DDX25: variants seen among roughly 807,000 people sequenced by gnomAD.
DDX25 encodes ATP-dependent RNA helicase DDX25.
In DDX25, 70 loss-of-function variants were observed where a neutral mutation model predicts 64.6. The ratio of observed to expected loss-of-function variants is 1.08; its 90% confidence interval spans 0.89 to 1.32. The LOEUF is 1.32. DDX25 is among the 40% of genes most tolerant of loss of function. The pLI is 0.00. For missense variants in DDX25, 587 were observed against 604.4 expected (o/e 0.97, Z 0.30); for synonymous variants, 211 against 213.3 (o/e 0.99, Z 0.09).
intron 1 of DDX25, 21 bp downstream of exon 1, chr11:125,904,601 G>A (rs543653685): frequency 1.4e-6 from 2 of 1,452,864 alleles, no homozygotes; most frequent in East Asian, 2.7e-5. Context: ...CCGAGCCGGG[G>A]GGCCACAGCC....
chr11:125,916,722 G>A (rs1176148947), intron 8 of DDX25, among the ~76,000 whole-genome samples: 1 of 152,194 alleles, frequency 6.6e-6, no homozygotes, highest in East Asian at 1.9e-4. Flanking sequence ...TCTTGTGGCT[G>A]CGTGAGTCTG....
chr11:125,906,174 A>T lies in DDX25; in HGVS notation c.276A>T (p.Pro92=). 1 of 1,550,610 alleles carries T rather than the reference A, an allele frequency of 6.4e-7. No individual in the cohort carries two copies. Among genetic ancestry groups the T allele is most frequent in the South Asian group, 1.2e-5 (1 of 83,682 alleles). ...TTTTACAGAAGGATCCCAGCTCTCCACTTTACTCAGTAAAGACATTTGAAG... is the reference window on the plus strand; with the variant it reads ...TTTTACAGAAGGATCCCAGCTCTCCTCTTTACTCAGTAAAGACATTTGAAG... ...VEVLQKDPSS[P]LYSVKTFEEL... Residue 92 remains proline, a synonymous_variant, in exon 4 of 12, where the codon CCA becomes CCT. Coordinates refer to ENST00000263576, the MANE Select transcript of DDX25 (RefSeq NM_013264.5).
rs767376280 is a variant in DDX25, at chr11:125,917,027, G to A, written c.814G>A (p.Glu272Lys). 1.5e-5 allele frequency: 24 copies of A among 1,596,236 alleles called. No homozygotes were observed. Among genetic ancestry groups the A allele is most frequent in the African/African-American group, 2.7e-5 (2 of 74,862 alleles). ...CCTCTATCACAGAGCTCTACCCTCC[G>A]AATGCCAAATGCTCCTCTTTTCAGC... ...SIRIQRALPS[E>K]CQMLLFSATF... The change falls in exon 9 of 12, where the codon GAA becomes AAA. Residue 272 changes from glutamate (E) to lysine (K), a missense_variant. Glu to Lys is a moderately conservative substitution (Grantham distance 56). Coordinates refer to ENST00000263576, the MANE Select transcript of DDX25 (RefSeq NM_013264.5).
At position 125,918,789 on chromosome 11, in the gene DDX25, A is replaced by C; in HGVS notation, c.1200A>C (p.Arg400=). 1 of 1,565,048 alleles carries C rather than the reference A, an allele frequency of 6.4e-7. No individual in the cohort carries two copies. The highest frequency in any genetic ancestry group is 8.7e-7 in the Non-Finnish European group (1 of 1,154,058). The change falls in exon 10 of 12, where the codon CGA becomes CGC. Residue 400 remains arginine (R), a splice_region_variant and synonymous_variant. Coordinates refer to ENST00000263576, the MANE Select transcript of DDX25 (RefSeq NM_013264.5). ...KVLITTNVCA[R]GIDVKQVTIV... is the part of the protein sequence containing the mutation. ...TCATAACAACTAATGTTTGTGCCCGAGGTGTGTGTTAAAAGTCAGGTCTTG... is the reference window on the plus strand; with the variant it reads ...TCATAACAACTAATGTTTGTGCCCGCGGTGTGTGTTAAAAGTCAGGTCTTG...
At chr11:125,922,508 G>A (rs1945128014) in intron 11 of DDX25, 6 of 279,604 alleles carry the variant, frequency 2.1e-5, no homozygotes, top group East Asian at 1.2e-4. Context: ...GGCCACTGTC[G>A]CTATGGTGAG....
intron 2 of DDX25, 27 bp downstream of exon 2, chr11:125,905,305 C>T: frequency 6.5e-7 from 1 of 1,549,498 alleles, no homozygotes. Context: ...CAAAGCAGAG[C>T]GACCTCAATG....
At chr11:125,904,236 GC>G (rs1591512629), upstream of DDX25, 1 of 319,822 alleles carries the variant, frequency 3.1e-6, no homozygotes, top group Admixed American at 5.0e-5. Context: ...TGCGGAAGCT[GC>G]CCCCTCTGCC....
chr11:125,920,743 A>G (rs1945098933), intron 10 of DDX25, among the ~76,000 whole-genome samples: 1 of 152,212 alleles, frequency 6.6e-6, no homozygotes, highest in Admixed American at 6.5e-5. Context: ...CACTGAGGCA[A>G]GGGCTCAAAA....
upstream of DDX25, chr11:125,904,437 C>T: frequency 7.7e-7 from 1 of 1,292,756 alleles, no homozygotes; most frequent in Non-Finnish European, 9.9e-7. Context: ...TAAGGAAGCC[C>T]ATTGGCCAGC....
intron 4 of DDX25, 141 bp downstream of exon 4, chr11:125,906,350 C>CAAATAACA: frequency 9.1e-7 from 1 of 1,103,574 alleles, no homozygotes; most frequent in Non-Finnish European, 1.2e-6. Context: ...GACAGAGTCT[C>CAAATAACA]ACTCTGTCCC....
chr11:125,928,557 A>C lies in DDX25; in HGVS notation c.*5676A>C, dbSNP rs570684582. 2.0e-5 allele frequency: 3 copies of C among 152,372 alleles called. No individual in the cohort carries two copies. Among genetic ancestry groups the C allele is most frequent in the African/African-American group, 7.2e-5 (3 of 41,592 alleles). The allele number at this position is 152,372 out of a possible 1,614,324, so 9.4% of individuals were successfully genotyped here. A position where few individuals can be genotyped will look rare whatever the true frequency, so the allele number is the denominator to read the frequency against. On this transcript the variant is annotated 3_prime_UTR_variant, in exon 12 of 12. Coordinates refer to ENST00000263576, the MANE Select transcript of DDX25 (RefSeq NM_013264.5). ...TTGTTAGAGCTACATTGCATTCAGT[A>C]GACTGGCTATACCAATATATAGTTG...
chr11:125,921,328 A>G lies in DDX25; in HGVS notation c.1339A>G (p.Met447Val). 1 of 1,613,876 alleles carries G rather than the reference A, an allele frequency of 6.2e-7. No homozygotes were observed. Among genetic ancestry groups the G allele is most frequent in the Non-Finnish European group, 8.5e-7 (1 of 1,179,858 alleles). Residue 447 changes from methionine (M) to valine (V), a missense_variant, in exon 11 of 12, where the codon ATG (methionine) becomes GTG (valine). Met to Val is a conservative substitution (Grantham distance 21, BLOSUM62 1). Coordinates refer to ENST00000263576, the MANE Select transcript of DDX25 (RefSeq NM_013264.5). The surrounding 1 kb of genome is among the most constrained non-coding windows in gnomAD (Gnocchi z 4.1). The part of the protein sequence containing the change: ...RFGKKGLAFN[M>V]IEVDELPSLM... Reference sequence around the variant, plus strand: ...TGGGAAAAAAGGCCTTGCCTTCAACATGATTGAAGTAGATGAGCTGCCCTC... The same window carrying G: ...TGGGAAAAAAGGCCTTGCCTTCAACGTGATTGAAGTAGATGAGCTGCCCTC...
At position 125,921,098 on chromosome 11, in the gene DDX25, A is replaced by C; in HGVS notation, c.1202-93A>C. 1 of 1,293,862 alleles carries C rather than the reference A, an allele frequency of 7.7e-7. No individual in the cohort carries two copies. Among genetic ancestry groups the C allele is most frequent in the Admixed American group, 2.8e-5 (1 of 35,666 alleles). The allele number at this position is 1,293,862 out of a possible 1,614,324, so 80.1% of individuals were successfully genotyped here. A position where few individuals can be genotyped will look rare whatever the true frequency, so the allele number is the denominator to read the frequency against. On this transcript the variant is annotated intron_variant, in intron 10 of 11. Coordinates refer to ENST00000263576, the MANE Select transcript of DDX25 (RefSeq NM_013264.5). The surrounding 1 kb of genome is among the most constrained non-coding windows in gnomAD (Gnocchi z 4.1). ...CTGGTTGGATTTCTAAATTTTCTCT[A>C]TAAATAGGAATTCCCTTGGCAGACG...
chr11:125,908,812 G>C (rs1323146379), intron 6 of DDX25, among the ~76,000 whole-genome samples: 1 of 152,172 alleles, frequency 6.6e-6, no homozygotes, highest in Non-Finnish European at 1.5e-5. Context: ...TATCATAGTT[G>C]ATCTGTTCAC....
chr11:125,904,501 G>T (rs1423338887), upstream of DDX25: 3 of 1,481,252 alleles, frequency 2.0e-6, no homozygotes, highest in Non-Finnish European at 2.7e-6. Context: ...CTGGGGGCGG[G>T]AGCAGCAATC....
Position 125,917,267 on chromosome 11 carries a change from G to A in DDX25, c.1038+16G>A, listed in dbSNP as rs970879148. The A allele has an allele frequency of 6.3e-6, 10 of 1,583,560 alleles. No homozygotes were observed. In the South Asian group the frequency reaches 6.9e-5, roughly 11 times the overall value. On this transcript the variant is annotated intron_variant, in intron 9 of 11. Coordinates refer to ENST00000263576, the MANE Select transcript of DDX25 (RefSeq NM_013264.5). ...CTTCTGCCAGGTACACTCTGTGGAT[G>A]TGTCTTCATCGAGCCCAGATATGCC...
intron 1 of DDX25, 105 bp from the exon 2 acceptor site, chr11:125,905,107 C>A: frequency 3.0e-6 from 3 of 1,012,828 alleles, no homozygotes; most frequent in Non-Finnish European, 4.5e-6. Flanking sequence ...GAAGCAATAC[C>A]CGGGTGTCCT....
At position 125,909,952 on chromosome 11, in the gene DDX25, T is replaced by C. The variant is rs561558397; in HGVS notation, c.508-412T>C. On this transcript the variant is annotated intron_variant, in intron 6 of 11. Coordinates refer to ENST00000263576, the MANE Select transcript of DDX25 (RefSeq NM_013264.5). ...CAGGTGTGAGCCACCGTGCCCAACC[T>C]CAAAAATAGACAGACTTTTAATAGC... 3.3e-5 allele frequency among the ~76,000 whole-genome samples: 5 copies of C among 152,182 alleles called. No homozygotes were observed. The East Asian group carries it at 9.7e-4, about 29-fold the overall frequency.
chr11:125,927,575 C>T lies in DDX25; in HGVS notation c.*4694C>T, dbSNP rs1047004764. 6.6e-6 allele frequency: 1 copy of T among 152,120 alleles called. No homozygotes were observed. The highest frequency in any genetic ancestry group is 1.5e-5 in the Non-Finnish European group (1 of 68,022). The allele number at this position is 152,120 out of a possible 1,614,324, so 9.4% of individuals were successfully genotyped here. A position where few individuals can be genotyped will look rare whatever the true frequency, so the allele number is the denominator to read the frequency against. Reference sequence around the variant, plus strand: ...TATAATTTTCATAAATGAGGATGGTCTCCTATTTTGAGCTTAACATTTTTC... The same window carrying T: ...TATAATTTTCATAAATGAGGATGGTTTCCTATTTTGAGCTTAACATTTTTC... On this transcript the variant is annotated 3_prime_UTR_variant, in exon 12 of 12. Coordinates refer to ENST00000263576, the MANE Select transcript of DDX25 (RefSeq NM_013264.5).
Sources: gnomAD v4.1 joint callset for allele counts (sites outside exome capture counted in the v4.1 genomes callset) on GRCh38, gnomAD v4.1.1 for gene constraint, Gnocchi (gnomAD v3.1) non-coding constraint, MANE v1.5 for transcripts, NCBI Gene and HGNC (gene_info 2026-07-23, HGNC 2026-07-21) for gene names.